PHTF2: variants seen among roughly 807,000 people sequenced by gnomAD.
The protein encoded by PHTF2 is putative homeodomain transcription factor 2.
PHTF2 carries 60 observed loss-of-function variants against 101.2 expected under a neutral mutation model. The observed-to-expected ratio is 0.59, with a 90% CI of 0.48 to 0.73. The LOEUF is 0.73. Among genes scored for constraint, PHTF2 ranks in the 30% least tolerant of loss-of-function variants. PHTF2 has a pLI of 0.00. For synonymous variants in PHTF2, 311 were observed against 307.3 expected, an observed-to-expected ratio of 1.01 and a Z score of -0.13; for missense variants, 747 against 908.7, an observed-to-expected ratio of 0.82 and a Z score of 2.29.
intron 11 of PHTF2, chr7:77,924,168 TA>T (rs1282017177): frequency 2.1e-6 from 2 of 941,808 alleles, no homozygotes; most frequent in African/African-American, 1.8e-5. Context: ...TTTGAATAAA[TA>T]AAATGGAAAC....
intron 1 of PHTF2, among the ~76,000 whole-genome samples, chr7:77,823,313 C>G (rs1160393339): frequency 6.6e-6 from 1 of 152,078 alleles, no homozygotes; most frequent in Non-Finnish European, 1.5e-5. Flanking sequence ...CTCTGCCTCC[C>G]GGGTTCAAGG....
At chr7:77,891,440 T>A (rs1285797961) in intron 3 of PHTF2, among the ~76,000 whole-genome samples, 1 of 151,748 alleles carries the variant, frequency 6.6e-6, no homozygotes, top group Non-Finnish European at 1.5e-5. Flanking sequence ...AACCAGTTGG[T>A]TGTTGTTTAC....
At chr7:77,887,957 A>G (rs965382129) in intron 3 of PHTF2, among the ~76,000 whole-genome samples, 3 of 152,348 alleles carry the variant, frequency 2.0e-5, no homozygotes, top group Admixed American at 2.0e-4. Flanking sequence ...CTCCTCTTAC[A>G]TGATGGAACA....
intron 3 of PHTF2, among the ~76,000 whole-genome samples, chr7:77,889,952 C>G (rs555875689): frequency 6.6e-6 from 1 of 151,936 alleles, no homozygotes; most frequent in Non-Finnish European, 1.5e-5. Flanking sequence ...AGAACTGATT[C>G]CTGCACTTAC....
In PHTF2 at chr7:77,953,713, ATTAGC is replaced by A. The variant is rs1327542242; in HGVS notation, c.2212-51_2212-47del. ...TAATTCTCATTGTATATTGTTCTGA[ATTAGC>A]TTAGTAATTCTTTTTGAATCTGGGA... On this transcript the variant is annotated intron_variant, in intron 18 of 19. Transcript: ENST00000416283. 2.0e-6 allele frequency: 3 copies of A among 1,528,386 alleles called. No homozygotes were observed. In the African/African-American group the frequency reaches 4.1e-5, roughly 21 times the overall value. The allele number at this position is 1,528,386 out of a possible 1,614,324, so 94.7% of individuals were successfully genotyped here. A position where few individuals can be genotyped will look rare whatever the true frequency, so the allele number is the denominator to read the frequency against.
chr7:77,938,270 A>C (rs1013628573), intron 13 of PHTF2, among the ~76,000 whole-genome samples: 2 of 152,208 alleles, frequency 1.3e-5, no homozygotes, highest in African/African-American at 4.8e-5. Flanking sequence ...ACATGAAAAA[A>C]TCAAACTAGT....
intron 16 of PHTF2, among the ~76,000 whole-genome samples, chr7:77,946,374 AAGAC>A (rs1806049375): frequency 3.3e-5 from 5 of 152,308 alleles, no homozygotes; most frequent in South Asian, 4.1e-4. Context: ...AATTGGGAAT[AAGAC>A]AGTTATCTGC....
At chr7:77,825,817 A>T (rs939839657) in intron 1 of PHTF2, among the ~76,000 whole-genome samples, 11 of 151,946 alleles carry the variant, frequency 7.2e-5, no homozygotes, top group Admixed American at 4.6e-4. Flanking sequence ...TAAACGTGAT[A>T]AAAAAAATAG....
chr7:77,897,421 T>G (rs1800973214), intron 5 of PHTF2, among the ~76,000 whole-genome samples: 2 of 151,320 alleles, frequency 1.3e-5, no homozygotes, highest in Admixed American at 1.3e-4. Flanking sequence ...TTAAATTATA[T>G]TTAATAAATA....
At chr7:77,827,730 C>T (rs1215366927) in intron 1 of PHTF2, among the ~76,000 whole-genome samples, 1 of 152,008 alleles carries the variant, frequency 6.6e-6, no homozygotes, top group South Asian at 2.1e-4. Context: ...GTCTGCTCCT[C>T]CCAGGTTCAA....
At chr7:77,944,573 G>A (rs920608974) in intron 16 of PHTF2, among the ~76,000 whole-genome samples, 1 of 152,222 alleles carries the variant, frequency 6.6e-6, no homozygotes, top group Non-Finnish European at 1.5e-5. Context: ...AACCAAGGCT[G>A]TTTGGAGGCA....
At chr7:77,934,689 G>T (rs1804923045) in intron 12 of PHTF2, among the ~76,000 whole-genome samples, 1 of 152,132 alleles carries the variant, frequency 6.6e-6, no homozygotes, top group Non-Finnish European at 1.5e-5. Context: ...GGTGGCTCAC[G>T]CCTCTAATCC....
At chr7:77,952,732 A>G (rs1446560289) in intron 18 of PHTF2, among the ~76,000 whole-genome samples, 4 of 152,220 alleles carry the variant, frequency 2.6e-5, no homozygotes, top group Non-Finnish European at 5.9e-5. Flanking sequence ...AAAGTATAAA[A>G]ATGACTAGAA....
chr7:77,844,956 T>C (rs1019644923), intron 2 of PHTF2, among the ~76,000 whole-genome samples: 4 of 152,244 alleles, frequency 2.6e-5, no homozygotes, highest in African/African-American at 9.6e-5. Context: ...TGGTCCAGAG[T>C]AATTTTCAGT....
chr7:77,846,402 A>G (rs1347520098), intron 2 of PHTF2, among the ~76,000 whole-genome samples: 1 of 152,202 alleles, frequency 6.6e-6, no homozygotes, highest in Non-Finnish European at 1.5e-5. Context: ...AGCAAACCTT[A>G]TGTGATGCTT....
rs35229132 is a variant in PHTF2, at chr7:77,850,194, T to TAA, written c.46-4522_46-4521dup. ...GGCTCAACCCTGTCTCTACAAAATT[T>TAA]AAAAAAAAAAAAAAAAAATCCAGGT... On this transcript the variant is annotated intron_variant, in intron 2 of 19. Transcript: ENST00000416283. Among the ~76,000 whole-genome samples the TAA allele has an allele frequency of 7.7e-3, 1,000 of 130,166 alleles. 8 individuals are homozygous for TAA. The highest frequency in any genetic ancestry group is 0.019 in the Middle Eastern group (5 of 260). The allele number at this position is 130,166 out of a possible 152,430, so 85.4% of individuals were successfully genotyped here.
intron 3 of PHTF2, among the ~76,000 whole-genome samples, chr7:77,881,722 T>C (rs940468067): frequency 2.0e-5 from 3 of 152,172 alleles, no homozygotes; most frequent in Non-Finnish European, 4.4e-5. Context: ...TGGTTAATAG[T>C]AGCAGTGCAA....
rs114998095 is a variant in PHTF2, at chr7:77,953,972, A to G, written c.2337+78A>G. 5.0e-3 allele frequency: 5,636 copies of G among 1,132,078 alleles called. 178 individuals are homozygous for G. In the African/African-American group the frequency reaches 0.074, roughly 15 times the overall value. 70.1% of individuals were successfully genotyped at this position (1,132,078 alleles called of 1,614,324 possible). Reference sequence around the variant, plus strand: ...GCGCCCATTTTACCCTCACATGCACAGTAATGCGGTCATTTTGGTAAGATT... The same window carrying G: ...GCGCCCATTTTACCCTCACATGCACGGTAATGCGGTCATTTTGGTAAGATT... On this transcript the variant is annotated intron_variant, in intron 19 of 19. Transcript: ENST00000416283.
chr7:77,899,975 GT>G lies in PHTF2; in HGVS notation c.217-727del, dbSNP rs202227956. 1.2e-4 allele frequency among the ~76,000 whole-genome samples: 15 copies of G among 128,752 alleles called. No individual in the cohort carries two copies. In the East Asian group the frequency reaches 2.1e-3, roughly 18 times the overall value. The allele number at this position is 128,752 out of a possible 152,430, so 84.5% of individuals were successfully genotyped here. A position where few individuals can be genotyped will look rare whatever the true frequency, so the allele number is the denominator to read the frequency against. On this transcript the variant is annotated intron_variant, in intron 5 of 19. Transcript: ENST00000416283. ...TAAGTAATAATTTACTTTGTTATAG[GT>G]TTTTTTTTCACTAGTTTTGATCTAC...
Sources: gnomAD v4.1 joint callset for allele counts (sites outside exome capture counted in the v4.1 genomes callset) on GRCh38, gnomAD v4.1.1 for gene constraint, MANE v1.5 for transcripts, NCBI Gene and HGNC (gene_info 2026-07-23, HGNC 2026-07-21) for gene names.